ZC4H2: variants seen among roughly 807,000 people sequenced by gnomAD.
ZC4H2 encodes zinc finger C4H2-type containing.
For synonymous variants in ZC4H2, 84 were observed against 66.3 expected (o/e 1.27, Z -1.30); for missense variants, 137 against 173.9 (o/e 0.79, Z 1.19).
At chrX:64,980,795 A>C (rs1158504933), upstream of ZC4H2, among the ~76,000 whole-genome samples, 1 of 111,244 alleles carries the variant, frequency 9.0e-6, no homozygotes, top group Non-Finnish European at 1.9e-5. Flanking sequence ...ATGTTCTATT[A>C]GTTACCCAAG....
At chrX:64,997,345 T>G (rs1932437179) in intron 1 of ZC4H2, among the ~76,000 whole-genome samples, 1 of 111,944 alleles carries the variant, frequency 8.9e-6, no homozygotes, top group Admixed American at 9.4e-5. Context: ...AGAAAACATA[T>G]AGGAAGTCCT....
intron 1 of ZC4H2, among the ~76,000 whole-genome samples, chrX:64,999,582 G>A (rs1932494000): frequency 8.9e-6 from 1 of 111,929 alleles, no homozygotes; most frequent in Non-Finnish European, 1.9e-5. Context: ...TGGAATGCCA[G>A]CAAGACAGAA....
chrX:65,022,673 A>G (rs1027590620), intron 1 of ZC4H2, among the ~76,000 whole-genome samples: 1 of 111,995 alleles, frequency 8.9e-6, no homozygotes, highest in Non-Finnish European at 1.9e-5. Context: ...AGAAAGCCAA[A>G]TCATGAGTGA....
intron 1 of ZC4H2, among the ~76,000 whole-genome samples, chrX:64,957,507 C>T (rs1931201425): frequency 9.0e-6 from 1 of 111,722 alleles, no homozygotes; most frequent in African/African-American, 3.2e-5. Flanking sequence ...ATTTCATAAG[C>T]GTTTTTTCTA....
chrX:65,008,213 G>C (rs1247367379), intron 1 of ZC4H2, among the ~76,000 whole-genome samples: 2 of 111,709 alleles, frequency 1.8e-5, no homozygotes, highest in South Asian at 3.7e-4. Flanking sequence ...CAAAAAAAAA[G>C]TTCAACATCA....
At chrX:64,999,053 T>TG (rs1184119875) in intron 1 of ZC4H2, among the ~76,000 whole-genome samples, 1 of 97,008 alleles carries the variant, frequency 1.0e-5, no homozygotes, top group Non-Finnish European at 2.1e-5. Flanking sequence ...TTTTTTTTTT[T>TG]TTTTTTTTTT....
intron 1 of ZC4H2, among the ~76,000 whole-genome samples, chrX:64,959,649 T>C: frequency 9.2e-6 from 1 of 109,092 alleles, no homozygotes; most frequent in East Asian, 2.9e-4. Flanking sequence ...ACATTTTAAA[T>C]GACAACCTAA....
At chrX:64,923,311 C>T (rs766925212) in intron 1 of ZC4H2, among the ~76,000 whole-genome samples, 10 of 111,637 alleles carry the variant, frequency 9.0e-5, no homozygotes, top group Non-Finnish European at 1.7e-4. Context: ...TGGGAAAGGG[C>T]TACAAAGTTT....
At chrX:65,019,172 A>C (rs1337745514) in intron 1 of ZC4H2, among the ~76,000 whole-genome samples, 1 of 111,835 alleles carries the variant, frequency 8.9e-6, no homozygotes, top group East Asian at 2.8e-4. Context: ...CCAGGACAGC[A>C]TTCAAGGTCT....
At chrX:64,991,181 G>A (rs775528266) in intron 1 of ZC4H2, among the ~76,000 whole-genome samples, 8 of 111,843 alleles carry the variant, frequency 7.2e-5, no homozygotes, top group Non-Finnish European at 9.4e-5. Flanking sequence ...GTAGCTGAAA[G>A]ATCTGAATAT....
At chrX:64,923,816 T>A (rs1929311943) in intron 1 of ZC4H2, among the ~76,000 whole-genome samples, 1 of 109,549 alleles carries the variant, frequency 9.1e-6, no homozygotes, top group African/African-American at 3.3e-5. Context: ...GATGTTGGGA[T>A]TTGAACCAGG....
chrX:65,032,970 T>A (rs1932954840), intron 1 of ZC4H2, among the ~76,000 whole-genome samples: 1 of 111,125 alleles, frequency 9.0e-6, no homozygotes, highest in African/African-American at 3.3e-5. Flanking sequence ...AGAGGAGGGA[T>A]TTTGCCATGT....
intron 1 of ZC4H2, among the ~76,000 whole-genome samples, chrX:64,962,569 T>C (rs1327947728): frequency 9.0e-6 from 1 of 111,282 alleles, no homozygotes; most frequent in East Asian, 2.8e-4. Context: ...GAAAATGAAA[T>C]AAAAGTCACC....
chrX:65,012,279 G>GA (rs1035754937), intron 1 of ZC4H2, among the ~76,000 whole-genome samples: 12 of 87,952 alleles, frequency 1.4e-4, no homozygotes, highest in African/African-American at 3.2e-4. Context: ...AAAGAGAAAA[G>GA]AAAAAAAAGA....
In ZC4H2 at chrX:64,917,774, T is replaced by C. The variant is rs2147345575; in HGVS notation, c.*9A>G. The stretch of plus-strand genomic sequence containing the variant: ...ATAATTAGCAAAGCTTCATGTGCTC[T>C]CCCTTTCTTTATTCATCCTGCTTCC... On this transcript the variant is annotated 3_prime_UTR_variant, in exon 5 of 5. Transcript: ENST00000374839. The C allele has an allele frequency of 8.3e-7, 1 of 1,209,027 alleles. No homozygotes were observed. The highest frequency in any genetic ancestry group is 2.2e-5 in the Admixed American group (1 of 45,800).
chrX:64,959,727 A>G (rs940723830), intron 1 of ZC4H2, among the ~76,000 whole-genome samples: 3 of 110,075 alleles, frequency 2.7e-5, no homozygotes, highest in African/African-American at 9.9e-5. Context: ...AAGAGAAGAC[A>G]ATATGAATAG....
intron 1 of ZC4H2, among the ~76,000 whole-genome samples, chrX:64,926,800 A>G (rs1037607549): frequency 8.9e-6 from 1 of 111,864 alleles, no homozygotes; most frequent in Non-Finnish European, 1.9e-5. Flanking sequence ...TGGATCAAAA[A>G]TACAGTATTC....
At chrX:64,925,816 C>T (rs969952635) in intron 1 of ZC4H2, among the ~76,000 whole-genome samples, 2 of 112,137 alleles carry the variant, frequency 1.8e-5, no homozygotes, top group East Asian at 5.6e-4. Flanking sequence ...CATTTCCTCT[C>T]TCTGGGGTGA....
At chrX:64,936,054 T>A (rs1376678482) in intron 1 of ZC4H2, among the ~76,000 whole-genome samples, 1 of 109,776 alleles carries the variant, frequency 9.1e-6, no homozygotes, top group Admixed American at 9.8e-5. Context: ...CTAACTAGAA[T>A]AACCAGTTTA....
Sources: gnomAD v4.1 joint callset for allele counts (sites outside exome capture counted in the v4.1 genomes callset) on GRCh38, gnomAD v4.1.1 for gene constraint, MANE v1.5 for transcripts, NCBI Gene and HGNC (gene_info 2026-07-23, HGNC 2026-07-21) for gene names.